DNM2: variants seen among roughly 807,000 people sequenced by gnomAD.
The protein encoded by DNM2 is dynamin 2.
Under a neutral mutation model 99.0 loss-of-function variants are expected in DNM2, and 15 were observed. The ratio of observed to expected loss-of-function variants is 0.15; its 90% CI spans 0.10 to 0.23. The LOEUF is 0.23. DNM2 is among the 10% of genes least tolerant of loss of function. The pLI is 1.00. For synonymous variants in DNM2, 525 were observed against 481.2 expected, an observed-to-expected ratio of 1.09 and a Z score of -1.19; for missense variants, 742 against 1,189.4, an observed-to-expected ratio of 0.62 and a Z score of 5.53.
At position 10,718,296 on chromosome 19, in the gene DNM2, C is replaced by A. The variant is rs2068819294; in HGVS notation, c.54C>A (p.Asp18Glu). The A allele has an allele frequency of 6.6e-7, 1 of 1,505,124 alleles. No homozygotes were observed. The allele number at this position is 1,505,124 out of a possible 1,614,324, so 93.2% of individuals were successfully genotyped here. ...ELIPLVNKLQ[D>E]AFSSIGQSCH... ...TCCCGCTGGTCAACAAACTGCAGGA[C>A]GCCTTCAGCTCCATCGGCCAGAGCT... The change falls in exon 1 of 21, where the codon GAC becomes GAA. Residue 18 changes from aspartate (D) to glutamate (E), a missense_variant. Physicochemically the swap from Asp to Glu is conservative, Grantham distance 45. Coordinates refer to ENST00000389253, the MANE Select transcript of DNM2 (RefSeq NM_001005361.3).
intron 3 of DNM2, among the ~76,000 whole-genome samples, chr19:10,774,254 A>G (rs2071076497): frequency 6.6e-6 from 1 of 152,188 alleles, no homozygotes; most frequent in Non-Finnish European, 1.5e-5. Flanking sequence ...GCAGTGAGCT[A>G]TGATCACATC....
intron 2 of DNM2, among the ~76,000 whole-genome samples, chr19:10,760,197 C>CTTT (rs55799441): frequency 8.5e-4 from 120 of 140,850 alleles, no homozygotes; most frequent in African/African-American, 2.9e-3. Flanking sequence ...CCATGGCCAG[C>CTTT]TTTTTTTTTT....
intron 6 of DNM2, among the ~76,000 whole-genome samples, chr19:10,785,483 T>C (rs937425902): frequency 2.6e-5 from 4 of 152,194 alleles, no homozygotes; most frequent in Admixed American, 2.6e-4. Flanking sequence ...CAGAATGGAT[T>C]GCAGTGACAC....
At chr19:10,721,890 C>T (rs916875643) in intron 1 of DNM2, among the ~76,000 whole-genome samples, 1 of 152,112 alleles carries the variant, frequency 6.6e-6, no homozygotes, top group Non-Finnish European at 1.5e-5. Flanking sequence ...ATCCGGATTT[C>T]TTGTGGCTCT....
intron 8 of DNM2, 101 bp downstream of exon 8, chr19:10,793,956 C>G: frequency 1.3e-6 from 2 of 1,590,622 alleles, no homozygotes; most frequent in Non-Finnish European, 1.7e-6. Flanking sequence ...CAAGCTCCTA[C>G]CTCTAGGCCT....
At chr19:10,757,930 C>T (rs560940412) in intron 1 of DNM2, among the ~76,000 whole-genome samples, 36 of 129,040 alleles carry the variant, frequency 2.8e-4, no homozygotes, top group Non-Finnish European at 3.4e-4. Context: ...GCAACAAGAG[C>T]GAAGCTCTGT....
At chr19:10,760,826 G>GTTTTTTTTTTTTTT (rs1568284526) in intron 2 of DNM2, among the ~76,000 whole-genome samples, 5 of 4,950 alleles carry the variant, frequency 1.0e-3, no homozygotes, top group Admixed American at 2.6e-3. Flanking sequence ...ACACCCAGCT[G>GTTTTTTTTTTTTTT]ATTTTTTTTT....
intron 7 of DNM2, among the ~76,000 whole-genome samples, chr19:10,791,068 G>GT (rs1468365693): frequency 3.3e-5 from 5 of 151,904 alleles, no homozygotes; most frequent in Non-Finnish European, 7.4e-5. Context: ...GCCTGGCCTT[G>GT]TTTTTTTAAT....
chr19:10,821,073 C>T (rs2146164568), intron 16 of DNM2, among the ~76,000 whole-genome samples: 1 of 152,246 alleles, frequency 6.6e-6, no homozygotes, highest in East Asian at 1.9e-4. Flanking sequence ...TGACGTCCTC[C>T]CTGCTGGCCC....
rs150380898 is a variant in DNM2, at chr19:10,780,605, G to T, written c.689-2355G>T. ...CTCCCACTGGACCCTTTTTCCTGGC[G>T]TACTAATGACTCACAACTCCTCCTC... On this transcript the variant is annotated intron_variant, in intron 5 of 20. Transcript: ENST00000389253. Among the ~76,000 whole-genome samples the T allele has an allele frequency of 1.6e-4, 24 of 152,154 alleles. No homozygotes were observed. In the East Asian group the frequency reaches 4.6e-3, roughly 29 times the overall value.
chr19:10,794,705 A>G (rs1308196397), intron 8 of DNM2, among the ~76,000 whole-genome samples: 1 of 151,922 alleles, frequency 6.6e-6, no homozygotes. Flanking sequence ...AGATGGCACC[A>G]CCGCACTCCA....
At chr19:10,744,171 T>A (rs565425620) in intron 1 of DNM2, among the ~76,000 whole-genome samples, 25 of 150,252 alleles carry the variant, frequency 1.7e-4, no homozygotes, top group African/African-American at 6.2e-4. Flanking sequence ...AAAAAAAAAA[T>A]TCTTTAAAAA....
In DNM2 at chr19:10,775,263, G is replaced by A. The variant is rs1182919159; in HGVS notation, c.386-440G>A. On this transcript the variant is annotated intron_variant, in intron 3 of 20. Transcript: ENST00000389253. This position sits in a 1 kb window ranked among gnomAD's most constrained non-coding sequence, Gnocchi z 4.3. ...CGCCCAGCTAATTTTTGTATACTTAGTACAGATGGGGTTTTGCCATGTTGG... is the reference window on the plus strand; with the variant it reads ...CGCCCAGCTAATTTTTGTATACTTAATACAGATGGGGTTTTGCCATGTTGG... Among the ~76,000 whole-genome samples, 1 of 151,750 alleles carries A rather than the reference G, an allele frequency of 6.6e-6. No individual in the cohort carries two copies. Among genetic ancestry groups the A allele is most frequent in the Non-Finnish European group, 1.5e-5 (1 of 67,958 alleles).
At chr19:10,770,536 T>C (rs1051652564) in intron 2 of DNM2, among the ~76,000 whole-genome samples, 35 of 152,162 alleles carry the variant, frequency 2.3e-4, no homozygotes, top group African/African-American at 8.0e-4. Flanking sequence ...CTTCAGCCGA[T>C]ATTAATCCAT....
intron 1 of DNM2, among the ~76,000 whole-genome samples, chr19:10,737,809 C>T (rs187547183): frequency 1.2e-3 from 177 of 152,278 alleles, no homozygotes; most frequent in Non-Finnish European, 2.1e-3. Context: ...CTCTTTCTGT[C>T]TCCCCCCACT....
In DNM2 at chr19:10,796,218, G is replaced by A. The variant is rs753794492; in HGVS notation, c.1196+779G>A. On this transcript the variant is annotated intron_variant, in intron 9 of 20. Transcript: ENST00000389253. The surrounding 1 kb of genome is among the most constrained non-coding windows in gnomAD (Gnocchi z 5.6). ...CAGTAAGGTATTGCTCCCTCGGCAG[G>A]GTGACTCCTGACCTTGTGGAAACGG... 6.2e-7 allele frequency: 1 copy of A among 1,613,768 alleles called. No individual in the cohort carries two copies. The highest frequency in any genetic ancestry group is 8.5e-7 in the Non-Finnish European group (1 of 1,179,998).
rs892796108 is a variant in DNM2, at chr19:10,764,949, T to C, written c.235+5138T>C. 2.6e-5 allele frequency among the ~76,000 whole-genome samples: 4 copies of C among 151,658 alleles called. No individual in the cohort carries two copies. The highest frequency in any genetic ancestry group is 9.7e-5 in the African/African-American group (4 of 41,350). On this transcript the variant is annotated intron_variant, in intron 2 of 20. Coordinates refer to ENST00000389253, the MANE Select transcript of DNM2 (RefSeq NM_001005361.3). This position sits in a 1 kb window ranked among gnomAD's most constrained non-coding sequence, Gnocchi z 4.1. ...GGCAGCACGAGTTATCCTGTTCTTG[T>C]TTTTTCTTTTTCTTTTTTTTTTTTT...
At chr19:10,806,214 G>C (rs2072331716) in intron 13 of DNM2, among the ~76,000 whole-genome samples, 1 of 152,196 alleles carries the variant, frequency 6.6e-6, no homozygotes, top group Admixed American at 6.5e-5. Context: ...TGCCATCCAA[G>C]GCCAGGGTTA....
chr19:10,779,227 AAAG>A (rs1480829259), intron 5 of DNM2, among the ~76,000 whole-genome samples: 5 of 151,710 alleles, frequency 3.3e-5, no homozygotes, highest in African/African-American at 1.2e-4. Flanking sequence ...AAAAAAAAAA[AAAG>A]AAAAATTTTT....
Sources: allele counts gnomAD v4.1 joint callset (sites outside exome capture counted in the v4.1 genomes callset), GRCh38; gene constraint gnomAD v4.1.1; non-coding constraint Gnocchi (gnomAD v3.1); transcripts MANE v1.5; gene names NCBI Gene and HGNC (gene_info 2026-07-23, HGNC 2026-07-21).